Variants in USP53 observed in about 807,000 individuals in gnomAD.
USP53 encodes ubiquitin carboxyl-terminal hydrolase 53.
A neutral mutation model predicts 94.9 loss-of-function variants in USP53; 71 were observed. That is an observed-to-expected ratio of 0.75 (90% CI 0.62 to 0.91). The LOEUF is 0.91. Ranked by LOEUF, USP53 falls within the 40% of genes least tolerant of loss-of-function variation. The pLI, the probability that USP53 is intolerant of heterozygous loss-of-function variation, is 0.00. For missense variants in USP53, 1,173 were observed against 1,281.0 expected (o/e 0.92, Z 1.29); for synonymous variants, 375 against 422.7 (o/e 0.89, Z 1.39).
chr4:119,224,704 G>T (rs1007347483), intron 3 of USP53, among the ~76,000 whole-genome samples: 1 of 152,206 alleles, frequency 6.6e-6, no homozygotes, highest in Admixed American at 6.5e-5. Flanking sequence ...GGTACAGGGA[G>T]AAACTCCAGG....
At chr4:119,229,187 A>G (rs1412046272) in intron 3 of USP53, among the ~76,000 whole-genome samples, 1 of 152,178 alleles carries the variant, frequency 6.6e-6, no homozygotes, top group Non-Finnish European at 1.5e-5. Context: ...CCAGCCATCT[A>G]TATATGGTGC....
At chr4:119,213,747 C>T (rs1743290406) in intron 1 of USP53, among the ~76,000 whole-genome samples, 2 of 150,086 alleles carry the variant, frequency 1.3e-5, no homozygotes, top group African/African-American at 4.9e-5. Flanking sequence ...TAATAGTAAA[C>T]TTAACCTGTA....
chr4:119,278,358 G>A (rs1243120819), intron 17 of USP53, among the ~76,000 whole-genome samples: 3 of 151,102 alleles, frequency 2.0e-5, no homozygotes, highest in African/African-American at 7.3e-5. Flanking sequence ...CTTCACTTAT[G>A]AAGCTTAGTT....
chr4:119,251,771 TGA>T (rs894727188), intron 7 of USP53, among the ~76,000 whole-genome samples: 1 of 152,212 alleles, frequency 6.6e-6, no homozygotes, highest in African/African-American at 2.4e-5. Flanking sequence ...AATACTATGT[TGA>T]GTAGGAGTGG....
intron 2 of USP53, among the ~76,000 whole-genome samples, chr4:119,214,594 C>A: frequency 6.7e-6 from 1 of 148,600 alleles, no homozygotes; most frequent in Admixed American, 6.8e-5. Flanking sequence ...ACTTTTCCAA[C>A]TAGTGTATTC....
chr4:119,290,949 G>C (rs1305041652), intron 17 of USP53, among the ~76,000 whole-genome samples: 1 of 152,096 alleles, frequency 6.6e-6, no homozygotes, highest in Non-Finnish European at 1.5e-5. Context: ...ACACCCTCAA[G>C]TGATAATAAA....
In USP53 at chr4:119,259,806, T is replaced by A. The variant is rs1193823324; in HGVS notation, c.570-14T>A. 1 of 1,603,738 alleles carries A rather than the reference T, an allele frequency of 6.2e-7. No homozygotes were observed. The highest frequency in any genetic ancestry group is 8.5e-7 in the Non-Finnish European group (1 of 1,175,524). The stretch of plus-strand genomic sequence containing the variant: ...GTTCATAGGCCAGATTTGGGATTGC[T>A]TCTTTTTTTGTAGCAATGAGGTTGA... On this transcript the variant is annotated splice_polypyrimidine_tract_variant and intron_variant, in intron 9 of 18. Coordinates refer to ENST00000692078, the MANE Select transcript of USP53 (RefSeq NM_001371395.1).
chr4:119,227,808 A>G (rs915053795), intron 3 of USP53, among the ~76,000 whole-genome samples: 8 of 152,214 alleles, frequency 5.3e-5, no homozygotes, highest in Admixed American at 3.9e-4. Flanking sequence ...TACTTTATTC[A>G]TAATAACCCC....
intron 17 of USP53, among the ~76,000 whole-genome samples, chr4:119,287,812 T>C (rs1754287817): frequency 6.6e-6 from 1 of 152,178 alleles, no homozygotes; most frequent in African/African-American, 2.4e-5. Flanking sequence ...TAGTATAATG[T>C]CTTTGTATGT....
chr4:119,267,330 G>C lies in USP53; in HGVS notation c.983G>C (p.Arg328Thr), dbSNP rs1360185909. ...GTGTTTTTTTAAAAGATTGGAACTAGATGGAAAGATGTTGTCTCCAAATGC... is the reference window on the plus strand; with the variant it reads ...GTGTTTTTTTAAAAGATTGGAACTACATGGAAAGATGTTGTCTCCAAATGC... ...DDANVKEIGT[R>T]WKDVVSKCIR... Residue 328 changes from arginine to threonine, a missense_variant, in exon 13 of 19, where the codon AGA becomes ACA. Arg to Thr is a moderately conservative substitution (Grantham distance 71). Transcript: ENST00000692078. 1 of 1,613,136 alleles carries C rather than the reference G, an allele frequency of 6.2e-7. No individual in the cohort carries two copies. Among genetic ancestry groups the C allele is most frequent in the Non-Finnish European group, 8.5e-7 (1 of 1,179,772 alleles).
chr4:119,260,867 T>C (rs1750405751), intron 11 of USP53, among the ~76,000 whole-genome samples: 1 of 152,100 alleles, frequency 6.6e-6, no homozygotes, highest in Non-Finnish European at 1.5e-5. Context: ...TGATTTTTTA[T>C]GTATGGCCAT....
intron 9 of USP53, among the ~76,000 whole-genome samples, chr4:119,259,136 C>T (rs1203639949): frequency 6.6e-6 from 1 of 152,010 alleles, no homozygotes; most frequent in Non-Finnish European, 1.5e-5. Context: ...CAAAAATTAG[C>T]CAGATGTGGT....
At chr4:119,281,073 A>C (rs1392381114) in intron 17 of USP53, among the ~76,000 whole-genome samples, 2 of 152,226 alleles carry the variant, frequency 1.3e-5, no homozygotes, top group Admixed American at 6.5e-5. Flanking sequence ...AGCCTTCTGG[A>C]AAAGTTCAAT....
Position 119,248,757 on chromosome 4 carries a change from G to A in USP53, c.247G>A (p.Ala83Thr), listed in dbSNP as rs755943510. The change falls in exon 7 of 19, where the codon GCA becomes ACA. Residue 83 changes from alanine to threonine, a missense_variant. Transcript: ENST00000692078. Reference sequence around the variant, plus strand: ...TCTTGTCGATTCCCAGACGATATTTGCACAGTTCCAACACAGTCGAGAAAA... The same window carrying A: ...TCTTGTCGATTCCCAGACGATATTTACACAGTTCCAACACAGTCGAGAAAA... ...CIFCALKTIF[A>T]QFQHSREKAL... is the part of the protein sequence containing the mutation. 2.5e-6 allele frequency: 4 copies of A among 1,612,058 alleles called. No individual in the cohort carries two copies. In the South Asian group the frequency reaches 4.4e-5, roughly 18 times the overall value.
intron 4 of USP53, among the ~76,000 whole-genome samples, chr4:119,236,430 A>G (rs1746763717): frequency 6.6e-6 from 1 of 152,218 alleles, no homozygotes; most frequent in Non-Finnish European, 1.5e-5. Flanking sequence ...TAAGGCAACA[A>G]TGAAGTTTGC....
At chr4:119,217,242 A>T (rs78628194) in intron 2 of USP53, among the ~76,000 whole-genome samples, 1 of 152,240 alleles carries the variant, frequency 6.6e-6, no homozygotes, top group South Asian at 2.1e-4. Flanking sequence ...AGCCTGCATA[A>T]TAAACTGTTG....
rs140425519 is a variant in USP53 at position 119,267,115 on chromosome 4, G to A, written c.973-205G>A. Among the ~76,000 whole-genome samples the A allele has an allele frequency of 3.1e-3, 467 of 152,162 alleles. 1 individual carries two copies. Among genetic ancestry groups the A allele is most frequent in the African/African-American group, 7.7e-3 (319 of 41,528 alleles). Reference sequence around the variant, plus strand: ...ACCTTGAAGTTTATAATCTTTGCCCGTCAAATTTTTAAAAGATAATGTTTA... The same window carrying A: ...ACCTTGAAGTTTATAATCTTTGCCCATCAAATTTTTAAAAGATAATGTTTA... On this transcript the variant is annotated intron_variant, in intron 12 of 18. Coordinates refer to ENST00000692078, the MANE Select transcript of USP53 (RefSeq NM_001371395.1).
intron 3 of USP53, among the ~76,000 whole-genome samples, chr4:119,226,499 C>A (rs539288366): frequency 1.3e-5 from 2 of 152,028 alleles, no homozygotes; most frequent in Non-Finnish European, 2.9e-5. Flanking sequence ...AAATTGAAAA[C>A]ATCATTTACT....
Position 119,275,766 on chromosome 4 carries a change from T to G in USP53, c.2251+2058T>G, listed in dbSNP as rs575920864. Among the ~76,000 whole-genome samples, 23 of 152,324 alleles carry G rather than the reference T, an allele frequency of 1.5e-4. No individual in the cohort carries two copies. In the South Asian group the frequency reaches 4.1e-3, roughly 27 times the overall value. ...TCTTTCATTTGTTTGTATCCTCTTT[T>G]ATTTCCTTGAGCAGCGGTTTGTAGT... On this transcript the variant is annotated intron_variant, in intron 17 of 18. Coordinates refer to ENST00000692078, the MANE Select transcript of USP53 (RefSeq NM_001371395.1).
Sources: gnomAD v4.1 joint callset for allele counts (sites outside exome capture counted in the v4.1 genomes callset) on GRCh38, gnomAD v4.1.1 for gene constraint, MANE v1.5 for transcripts, NCBI Gene and HGNC (gene_info 2026-07-23, HGNC 2026-07-21) for gene names.